Variants in MSANTD4 observed in about 807,000 individuals in gnomAD.
MSANTD4 encodes myb/SANT-like DNA-binding domain-containing protein 4.
A neutral mutation model predicts 34.3 loss-of-function variants in MSANTD4; 13 were observed. That is an observed-to-expected ratio of 0.38 (90% CI 0.25 to 0.60). MSANTD4 has a LOEUF of 0.60. Ranked by LOEUF, MSANTD4 falls within the 20% of genes least tolerant of loss-of-function variation. MSANTD4 has a pLI of 0.63. For missense variants in MSANTD4, 358 were observed against 401.8 expected (o/e 0.89, Z 0.93); for synonymous variants, 137 against 145.2 (o/e 0.94, Z 0.41).
chr11:106,018,578 G>C lies in MSANTD4; in HGVS notation c.-151+2384C>G, dbSNP rs116349217. On this transcript the variant is annotated intron_variant, in intron 1 of 2. Transcript: ENST00000301919. ...TTACTTGGTGAAATATGTACAGAAA[G>C]GCAAGGCAGAGAGCAAATGGTGTAG... Among the ~76,000 whole-genome samples, 482 of 152,248 alleles carry C rather than the reference G, an allele frequency of 3.2e-3. 2 individuals carry two copies. The highest frequency in any genetic ancestry group is 0.011 in the African/African-American group (456 of 41,536).
At chr11:106,013,931 A>G (rs1291032625) in intron 1 of MSANTD4, among the ~76,000 whole-genome samples, 1 of 152,204 alleles carries the variant, frequency 6.6e-6, no homozygotes, top group Non-Finnish European at 1.5e-5. Context: ...AAGATTTTCA[A>G]AAGGAGACTC....
In MSANTD4 at chr11:106,009,425, C is replaced by T. The variant is rs1461988106; in HGVS notation, c.*110G>A. ...CCACATATAACTTTTTCCTACTGAA[C>T]ACTGACATTAGACAAGAAACCACAG... is the stretch of plus-strand genomic sequence containing the variant. On this transcript the variant is annotated 3_prime_UTR_variant, in exon 3 of 3. Coordinates refer to ENST00000301919, the MANE Select transcript of MSANTD4 (RefSeq NM_032424.3). 1 of 1,057,280 alleles carries T rather than the reference C, an allele frequency of 9.5e-7. No homozygotes were observed. The highest frequency in any genetic ancestry group is 1.6e-5 in the South Asian group (1 of 61,014). 65.5% of individuals were successfully genotyped at this position (1,057,280 alleles called of 1,614,324 possible).
At chr11:106,018,618 C>T (rs1386081282) in intron 1 of MSANTD4, among the ~76,000 whole-genome samples, 1 of 152,094 alleles carries the variant, frequency 6.6e-6, no homozygotes, top group African/African-American at 2.4e-5. Context: ...TAAGAAACTT[C>T]CTTTAGGAGA....
At position 106,021,579 on chromosome 11, in the gene MSANTD4, C is replaced by T. The variant is rs1329998093; in HGVS notation, c.-768G>A. 2 of 152,126 alleles carry T rather than the reference C, an allele frequency of 1.3e-5. No individual in the cohort carries two copies. Among genetic ancestry groups the T allele is most frequent in the African/African-American group, 4.8e-5 (2 of 41,424 alleles). 9.4% of individuals were successfully genotyped at this position (152,126 alleles called of 1,614,324 possible). On this transcript the variant is annotated 5_prime_UTR_variant, in exon 1 of 3. Coordinates refer to ENST00000301919, the MANE Select transcript of MSANTD4 (RefSeq NM_032424.3). ...CATCACAAATCTACAATATCAAACC[C>T]TACCCAAATTCTCTTTAAAGTGTGG... is the stretch of plus-strand genomic sequence containing the variant.
At chr11:106,017,267 T>C (rs546009890) in intron 1 of MSANTD4, among the ~76,000 whole-genome samples, 1 of 152,154 alleles carries the variant, frequency 6.6e-6, no homozygotes, top group Non-Finnish European at 1.5e-5. Context: ...CAGATCAACT[T>C]AGGAACATTC....
intron 1 of MSANTD4, among the ~76,000 whole-genome samples, chr11:106,018,508 A>C (rs1184973073): frequency 2.0e-5 from 3 of 152,202 alleles, no homozygotes; most frequent in Non-Finnish European, 4.4e-5. Flanking sequence ...TCTCATTTGC[A>C]GCCAGGATTG....
chr11:106,020,800 T>C (rs1006595717), intron 1 of MSANTD4, among the ~76,000 whole-genome samples, 162 bp downstream of exon 1: 3 of 152,240 alleles, frequency 2.0e-5, no homozygotes, highest in African/African-American at 7.2e-5. Flanking sequence ...TTAATACATT[T>C]TTAACCTGAC....
chr11:106,013,954 A>C (rs1859772138), intron 1 of MSANTD4, among the ~76,000 whole-genome samples: 1 of 152,246 alleles, frequency 6.6e-6, no homozygotes, highest in African/African-American at 2.4e-5. Flanking sequence ...ACCTATGTGG[A>C]AGGTCCAGAT....
At chr11:106,019,343 A>T (rs770356289) in intron 1 of MSANTD4, among the ~76,000 whole-genome samples, 1 of 152,232 alleles carries the variant, frequency 6.6e-6, no homozygotes, top group Non-Finnish European at 1.5e-5. Context: ...AGAAACAGGT[A>T]AAAGTGAGTA....
Position 106,010,503 on chromosome 11 carries a change from T to C in MSANTD4, c.415A>G (p.Thr139Ala), listed in dbSNP as rs1859661094. ...ADFRDAGGSL[T>A]EVKVEEEERD... ...TCTTCCTCTTCCACCTTGACCTCAG[T>C]TAAGGATCCACCTGCATCCCTGAAA... Residue 139 changes from threonine to alanine, a missense_variant, in exon 2 of 3, where the codon ACT becomes GCT. This residue lies in a region of MSANTD4 where 312 missense variants were observed against 317.6 expected (regional missense o/e 0.98). Transcript: ENST00000301919. 6.2e-7 allele frequency: 1 copy of C among 1,614,160 alleles called. No individual in the cohort carries two copies. Among genetic ancestry groups the C allele is most frequent in the Non-Finnish European group, 8.5e-7 (1 of 1,180,008 alleles).
intron 1 of MSANTD4, among the ~76,000 whole-genome samples, chr11:106,015,624 C>T (rs1427864894): frequency 6.6e-6 from 1 of 152,116 alleles, no homozygotes; most frequent in African/African-American, 2.4e-5. Flanking sequence ...CTCTTTGCAA[C>T]TCCACATTCA....
At chr11:106,018,991 T>C (rs984099277) in intron 1 of MSANTD4, among the ~76,000 whole-genome samples, 1 of 152,202 alleles carries the variant, frequency 6.6e-6, no homozygotes, top group African/African-American at 2.4e-5. Flanking sequence ...AATAGGTATA[T>C]ACTGAGTGTT....
chr11:106,009,400 C>G lies in MSANTD4; in HGVS notation c.*135G>C. 1.3e-6 allele frequency: 1 copy of G among 768,842 alleles called. No individual in the cohort carries two copies. Among genetic ancestry groups the G allele is most frequent in the Admixed American group, 2.9e-5 (1 of 34,710 alleles). 47.6% of individuals were successfully genotyped at this position (768,842 alleles called of 1,614,324 possible). A position where few individuals can be genotyped will look rare whatever the true frequency, so the allele number is the denominator to read the frequency against. On this transcript the variant is annotated 3_prime_UTR_variant, in exon 3 of 3. Transcript: ENST00000301919. ...ATATACTACTTAGGCATACAGTTAT[C>G]CACATATAACTTTTTCCTACTGAAC...
At position 106,009,524 on chromosome 11, in the gene MSANTD4, G is replaced by A. The variant is rs200813602; in HGVS notation, c.*11C>T. On this transcript the variant is annotated 3_prime_UTR_variant, in exon 3 of 3. Transcript: ENST00000301919. ...GTTTTCAAACATTTGCTAAATGGAA[G>A]CCTGGAAAAATCACTGCAAGTGTCC... is the stretch of plus-strand genomic sequence containing the variant. The A allele has an allele frequency of 2.7e-4, 420 of 1,576,124 alleles. No homozygotes were observed. The African/African-American group carries it at 5.1e-3, about 19-fold the overall frequency.
Position 106,009,713 on chromosome 11 carries a change from A to G in MSANTD4, c.860T>C (p.Met287Thr). 1 of 1,614,172 alleles carries G rather than the reference A, an allele frequency of 6.2e-7. No homozygotes were observed. ...TGTTTCTATGTCCTGTGGTTGAAGC[A>G]TGGATTTTTCTCCTTGACCAAGTTC... ...ENELGQGEKS[M>T]LQPQDIETEK... Residue 287 changes from methionine to threonine, a missense_variant, in exon 3 of 3, where the codon ATG (methionine) becomes ACG (threonine). Coordinates refer to ENST00000301919, the MANE Select transcript of MSANTD4 (RefSeq NM_032424.3).
intron 2 of MSANTD4, 55 bp downstream of exon 2, chr11:106,010,401 A>G: frequency 6.5e-7 from 1 of 1,528,314 alleles, no homozygotes; most frequent in Non-Finnish European, 8.7e-7. Flanking sequence ...CTGAACAATA[A>G]TCTCCCACAT....
At chr11:106,017,857 A>T (rs1565391066) in intron 1 of MSANTD4, among the ~76,000 whole-genome samples, 1 of 152,200 alleles carries the variant, frequency 6.6e-6, no homozygotes, top group Non-Finnish European at 1.5e-5. Flanking sequence ...ATGAAGAAAA[A>T]TTATACAATT....
At position 106,008,359 on chromosome 11, in the gene MSANTD4, C is replaced by T. The variant is rs1295031105; in HGVS notation, c.*1176G>A. Reference sequence around the variant, plus strand: ...CAATATAGAAGATCAGCCATTTACTCTGTGTCACTTCTCTGAGCTTCACAT... The same window carrying T: ...CAATATAGAAGATCAGCCATTTACTTTGTGTCACTTCTCTGAGCTTCACAT... On this transcript the variant is annotated 3_prime_UTR_variant, in exon 3 of 3. Coordinates refer to ENST00000301919, the MANE Select transcript of MSANTD4 (RefSeq NM_032424.3). 1 of 152,236 alleles carries T rather than the reference C, an allele frequency of 6.6e-6. No individual in the cohort carries two copies. The highest frequency in any genetic ancestry group is 6.5e-5 in the Admixed American group (1 of 15,286). The allele number at this position is 152,236 out of a possible 1,614,324, so 9.4% of individuals were successfully genotyped here. A position where few individuals can be genotyped will look rare whatever the true frequency, so the allele number is the denominator to read the frequency against.
chr11:106,019,937 GAAT>G (rs1859979423), intron 1 of MSANTD4, among the ~76,000 whole-genome samples: 1 of 152,070 alleles, frequency 6.6e-6, no homozygotes, highest in Non-Finnish European at 1.5e-5. Flanking sequence ...CTATAAATGG[GAAT>G]AATAGACTAA....
Sources: allele counts gnomAD v4.1 joint callset (sites outside exome capture counted in the v4.1 genomes callset), GRCh38; gene constraint gnomAD v4.1.1; regional missense constraint gnomAD v4.1.1; transcripts MANE v1.5; gene names NCBI Gene and HGNC (gene_info 2026-07-23, HGNC 2026-07-21).